The following ROBO2 variants were observed in gnomAD, a reference collection of about 807,000 sequenced individuals.
The protein encoded by ROBO2 is roundabout homolog 2.
ROBO2 carries 53 observed loss-of-function variants against 160.8 expected under a neutral mutation model. The ratio of observed to expected loss-of-function variants is 0.33; its 90% CI spans 0.26 to 0.41. The LOEUF (loss-of-function observed/expected upper bound fraction) is 0.41, where lower values mean the gene tolerates loss of function less well. Ranked by LOEUF, ROBO2 falls within the 10% of genes least tolerant of loss-of-function variation. ROBO2 has a pLI of 1.00. For missense variants in ROBO2, 1,577 were observed against 1,722.4 expected, an observed-to-expected ratio of 0.92 and a Z score of 1.49; for synonymous variants, 664 against 611.7, an observed-to-expected ratio of 1.09 and a Z score of -1.26.
chr3:77,379,984 G>A (rs2153485542), intron 2 of ROBO2, among the ~76,000 whole-genome samples: 1 of 152,250 alleles, frequency 6.6e-6, no homozygotes, highest in East Asian at 1.9e-4. Flanking sequence ...CCAGGGAGAA[G>A]CAAAGGTATT....
chr3:77,463,349 T>G (rs2082430432), intron 2 of ROBO2, among the ~76,000 whole-genome samples: 1 of 152,192 alleles, frequency 6.6e-6, no homozygotes, highest in South Asian at 2.1e-4. Flanking sequence ...TGGGCAAAAT[T>G]TATACTTTTA....
At chr3:77,646,293 C>G in exon 26 of ROBO2, 1 of 397,206 alleles carries the variant, frequency 2.5e-6, no homozygotes, top group Non-Finnish European at 4.6e-6. Context: ...AGAAAGAAAA[C>G]AAAACTCGCC....
chr3:76,540,476 C>T (rs888144087), intron 2 of ROBO2, among the ~76,000 whole-genome samples: 32 of 152,208 alleles, frequency 2.1e-4, no homozygotes, highest in African/African-American at 6.8e-4. Context: ...TTGCTACTAA[C>T]TGCTTCCATT....
intron 2 of ROBO2, among the ~76,000 whole-genome samples, chr3:76,909,645 C>T (rs778862701): frequency 1.1e-4 from 16 of 152,136 alleles, no homozygotes; most frequent in Admixed American, 4.6e-4. Context: ...ATTCTTAGTG[C>T]GTTGTTTTTT....
intron 23 of ROBO2, 85 bp from the exon 25 acceptor site, chr3:77,634,785 G>T: frequency 1.6e-6 from 2 of 1,252,808 alleles, no homozygotes. Context: ...AGATTTACAG[G>T]TTAGTCATAG....
chr3:76,434,002 T>C (rs2076553723), intron 2 of ROBO2: 23 of 967,178 alleles, frequency 2.4e-5, no homozygotes, highest in South Asian at 2.3e-4. Context: ...GAGTCAGAAC[T>C]CTGAGGTGGT....
chr3:76,470,065 T>C (rs1193625220), intron 2 of ROBO2, among the ~76,000 whole-genome samples: 1 of 152,148 alleles, frequency 6.6e-6, no homozygotes, highest in Admixed American at 6.6e-5. Context: ...GTCCTGTAGA[T>C]TGTATGTCTT....
chr3:76,517,634 T>A (rs2081406615), intron 2 of ROBO2, among the ~76,000 whole-genome samples: 1 of 152,176 alleles, frequency 6.6e-6, no homozygotes, highest in African/African-American at 2.4e-5. Flanking sequence ...CATTTTATGA[T>A]TCCAGAACTT....
intron 2 of ROBO2, among the ~76,000 whole-genome samples, chr3:77,118,703 A>G (rs2074440267): frequency 6.6e-6 from 1 of 152,208 alleles, no homozygotes; most frequent in South Asian, 2.1e-4. Flanking sequence ...AGCATGCAAT[A>G]ACAGAAAAGT....
At chr3:76,453,301 A>G (rs144065311) in intron 2 of ROBO2, among the ~76,000 whole-genome samples, 1 of 151,904 alleles carries the variant, frequency 6.6e-6, no homozygotes. Context: ...GGGTTTTTAT[A>G]GTTTTTAGCT....
In ROBO2 at chr3:76,120,245, G is replaced by A. The variant is rs544677107; in HGVS notation, c.109+182643G>A. Among the ~76,000 whole-genome samples the A allele has an allele frequency of 2.6e-5, 4 of 151,954 alleles. No individual in the cohort carries two copies. In the East Asian group the frequency reaches 5.9e-4, roughly 22 times the overall value. On this transcript the variant is annotated intron_variant, in intron 2 of 26. Coordinates refer to the ROBO2 transcript ENST00000487694. ...TTGAACTCCTGACCTCAGGTGATCC[G>A]CCCACCTCGGCCTTCCAAAGTGCTG...
At chr3:77,642,904 G>T (rs2095368923) in intron 24 of ROBO2, 2 of 456,502 alleles carry the variant, frequency 4.4e-6, no homozygotes, top group Admixed American at 2.3e-5. Flanking sequence ...ACGACAAGAA[G>T]ATATACGGAA....
upstream of ROBO2, among the ~76,000 whole-genome samples, chr3:77,038,845 G>C (rs980796113): frequency 7.9e-5 from 12 of 152,178 alleles, no homozygotes; most frequent in Admixed American, 7.9e-4. Flanking sequence ...CTGAAATTCG[G>C]CTTCTTTTTG....
intron 2 of ROBO2, among the ~76,000 whole-genome samples, chr3:76,302,351 T>C (rs34798501): frequency 0.054 from 8,143 of 152,186 alleles, 228 homozygotes; most frequent in African/African-American, 0.069. Context: ...AATAGTAAAG[T>C]TAACTGTGCA....
At chr3:76,735,785 A>AGGG (rs1478499038) in intron 2 of ROBO2, among the ~76,000 whole-genome samples, 488 of 30,884 alleles carry the variant, frequency 0.016, 3 homozygotes, top group Middle Eastern at 0.026. Flanking sequence ...AGAAAAAAAA[A>AGGG]AGGGGAAAGG....
At chr3:77,006,643 A>G (rs1311183666) in intron 2 of ROBO2, among the ~76,000 whole-genome samples, 1 of 152,064 alleles carries the variant, frequency 6.6e-6, no homozygotes, top group African/African-American at 2.4e-5. Flanking sequence ...GCACGCTTGA[A>G]ATATTTATTA....
chr3:76,615,273 A>AT (rs1227097934), intron 2 of ROBO2, among the ~76,000 whole-genome samples: 2 of 151,818 alleles, frequency 1.3e-5, no homozygotes, highest in South Asian at 2.1e-4. Context: ...TGTTTGCTTG[A>AT]TTTTTTAACC....
At chr3:77,537,015 C>A (rs974827723) in intron 6 of ROBO2, among the ~76,000 whole-genome samples, 4 of 149,100 alleles carry the variant, frequency 2.7e-5, no homozygotes, top group Non-Finnish European at 5.9e-5. Context: ...TACATTGTGG[C>A]ATTTCAGGCA....
intron 2 of ROBO2, among the ~76,000 whole-genome samples, chr3:77,451,573 A>G (rs184020169): frequency 6.6e-6 from 1 of 152,186 alleles, no homozygotes; most frequent in Admixed American, 6.5e-5. Context: ...TATTTAATAT[A>G]TATTAAGTGA....
Sources: gnomAD v4.1 joint callset for allele counts (sites outside exome capture counted in the v4.1 genomes callset) on GRCh38, gnomAD v4.1.1 for gene constraint, MANE v1.5 for transcripts, NCBI Gene and HGNC (gene_info 2026-07-23, HGNC 2026-07-21) for gene names.